The following PDGFD variants were observed in gnomAD, a reference collection of about 807,000 sequenced individuals.
The protein encoded by PDGFD is platelet-derived growth factor D.
Under a neutral mutation model 44.7 loss-of-function variants are expected in PDGFD, and 30 were observed. The observed-to-expected ratio is 0.67, with a 90% confidence interval of 0.50 to 0.91. The LOEUF is 0.91. Ranked by LOEUF, PDGFD falls within the 40% of genes least tolerant of loss-of-function variation. The probability of loss-of-function intolerance (pLI) is 0.00; values close to 1 mark genes in which losing one functional copy is unlikely to be tolerated. For missense variants in PDGFD, 445 were observed against 457.8 expected (o/e 0.97, Z 0.25); for synonymous variants, 173 against 168.4 (o/e 1.03, Z -0.21).
At chr11:104,127,838 T>G (rs1266800860) in intron 1 of PDGFD, among the ~76,000 whole-genome samples, 1 of 152,076 alleles carries the variant, frequency 6.6e-6, no homozygotes, top group Non-Finnish European at 1.5e-5. Flanking sequence ...AGCACAGAAA[T>G]GTATGGAACT....
intron 3 of PDGFD, among the ~76,000 whole-genome samples, chr11:103,984,631 A>G (rs768211023): frequency 5.3e-5 from 8 of 151,380 alleles, no homozygotes; most frequent in Non-Finnish European, 8.8e-5. Flanking sequence ...ATGGGTGTTT[A>G]CTTTTTGTTT....
At chr11:104,100,313 C>T (rs557118299) in intron 1 of PDGFD, among the ~76,000 whole-genome samples, 49 of 152,224 alleles carry the variant, frequency 3.2e-4, no homozygotes, top group African/African-American at 1.1e-3. Context: ...ATACAAACTA[C>T]CATCAGAGAA....
chr11:104,114,289 G>A (rs1406078033), intron 1 of PDGFD, among the ~76,000 whole-genome samples: 1 of 151,830 alleles, frequency 6.6e-6, no homozygotes, highest in African/African-American at 2.4e-5. Flanking sequence ...AAGTCTCTGT[G>A]TAGATTCATT....
At chr11:104,106,037 T>C (rs1455922583) in intron 1 of PDGFD, among the ~76,000 whole-genome samples, 3 of 152,254 alleles carry the variant, frequency 2.0e-5, no homozygotes, top group South Asian at 2.1e-4. Context: ...TATTGTTAAA[T>C]CTTCATTTAA....
intron 1 of PDGFD, among the ~76,000 whole-genome samples, chr11:104,092,555 T>C (rs532041202): frequency 1.5e-4 from 23 of 152,230 alleles, no homozygotes; most frequent in South Asian, 1.5e-3. Flanking sequence ...TTCTCACAGA[T>C]TACTAGACAT....
intron 1 of PDGFD, chr11:104,038,060 G>A (rs777410180): frequency 1.2e-5 from 19 of 1,533,054 alleles, no homozygotes; most frequent in South Asian, 1.2e-4. Context: ...TCAGGTCCCC[G>A]GCAATTATAA....
intron 6 of PDGFD, among the ~76,000 whole-genome samples, chr11:103,912,660 C>A (rs1858048117): frequency 6.6e-6 from 1 of 152,062 alleles, no homozygotes; most frequent in Non-Finnish European, 1.5e-5. Context: ...GGGCTAAATT[C>A]CCCAATTAAA....
intron 1 of PDGFD, chr11:104,037,392 G>A: frequency 6.2e-7 from 1 of 1,614,122 alleles, no homozygotes; most frequent in Non-Finnish European, 8.5e-7. Context: ...AAAGGGAAAA[G>A]GCCTTGAGAG....
chr11:104,053,968 A>G (rs1433540803), intron 1 of PDGFD, among the ~76,000 whole-genome samples: 2 of 152,190 alleles, frequency 1.3e-5, no homozygotes, highest in African/African-American at 4.8e-5. Context: ...TTCATGACAT[A>G]TAGAAAGAAC....
At chr11:103,979,756 C>T (rs1369509906) in intron 3 of PDGFD, among the ~76,000 whole-genome samples, 2 of 152,088 alleles carry the variant, frequency 1.3e-5, no homozygotes, top group Admixed American at 6.6e-5. Context: ...ATAAGATCTG[C>T]TTTGCCATTC....
At chr11:104,160,479 GTTA>G (rs1315837637) in intron 1 of PDGFD, among the ~76,000 whole-genome samples, 1 of 152,174 alleles carries the variant, frequency 6.6e-6, no homozygotes, top group African/African-American at 2.4e-5. Flanking sequence ...GTTTTGGCCA[GTTA>G]TTATTACAAA....
chr11:104,041,609 C>A (rs1287084562), intron 1 of PDGFD, among the ~76,000 whole-genome samples: 1 of 152,046 alleles, frequency 6.6e-6, no homozygotes, highest in East Asian at 1.9e-4. Flanking sequence ...TCCTTGGCTT[C>A]ACTTAATGCT....
At chr11:104,059,492 C>T (rs1565323484) in intron 1 of PDGFD, among the ~76,000 whole-genome samples, 1 of 152,058 alleles carries the variant, frequency 6.6e-6, no homozygotes, top group East Asian at 1.9e-4. Flanking sequence ...GAACATTTTC[C>T]ATAAATATTT....
intron 1 of PDGFD, among the ~76,000 whole-genome samples, chr11:104,130,000 G>GAAAAAAAA (rs34312271): frequency 1.9e-4 from 24 of 128,612 alleles, no homozygotes; most frequent in African/African-American, 7.0e-4. Flanking sequence ...CAAGACCTCT[G>GAAAAAAAA]AAAAAAAAAA....
intron 3 of PDGFD, among the ~76,000 whole-genome samples, chr11:103,991,312 T>G (rs1362605968): frequency 1.3e-5 from 2 of 152,112 alleles, no homozygotes; most frequent in African/African-American, 4.8e-5. Flanking sequence ...GCTGTTCTCC[T>G]CCTCTCTTCC....
chr11:104,062,998 T>C (rs1860736664), intron 1 of PDGFD, among the ~76,000 whole-genome samples: 1 of 152,164 alleles, frequency 6.6e-6, no homozygotes, highest in South Asian at 2.1e-4. Flanking sequence ...CTCCACAGTT[T>C]TGAGTTATAT....
At chr11:104,109,631 G>T (rs1476782035) in intron 1 of PDGFD, among the ~76,000 whole-genome samples, 2 of 152,040 alleles carry the variant, frequency 1.3e-5, no homozygotes, top group African/African-American at 4.8e-5. Context: ...TGAAAGACTG[G>T]AATCCCCTAA....
rs575552446 is a variant in PDGFD, at chr11:103,908,307, GA to G, written c.*1386del. ...CTTTAAAACAGACACAAAGGAGGCA[GA>G]GAGAAAAAATTACTCTAAATACCAT... On this transcript the variant is annotated 3_prime_UTR_variant, in exon 7 of 7. Transcript: ENST00000393158. 4.5e-3 allele frequency: 685 copies of G among 152,282 alleles called. 8 individuals are homozygous for G. The highest frequency in any genetic ancestry group is 0.016 in the African/African-American group (659 of 41,562). 9.4% of individuals were successfully genotyped at this position (152,282 alleles called of 1,614,324 possible). A position where few individuals can be genotyped will look rare whatever the true frequency, so the allele number is the denominator to read the frequency against.
intron 3 of PDGFD, among the ~76,000 whole-genome samples, chr11:103,969,328 T>G (rs11226096): frequency 0.016 from 2,365 of 152,268 alleles, 29 homozygotes; most frequent in Non-Finnish European, 0.022. Flanking sequence ...TTTATTCATA[T>G]AGGTGGCTTA....
Sources: allele counts gnomAD v4.1 joint callset (sites outside exome capture counted in the v4.1 genomes callset), GRCh38; gene constraint gnomAD v4.1.1; transcripts MANE v1.5; gene names NCBI Gene and HGNC (gene_info 2026-07-23, HGNC 2026-07-21).